The following LYN variants were observed in gnomAD, a reference collection of about 807,000 sequenced individuals.
LYN encodes tyrosine-protein kinase Lyn.
LYN carries 12 observed loss-of-function variants against 65.0 expected under a neutral mutation model. The ratio of observed to expected loss-of-function variants is 0.18; its 90% CI spans 0.12 to 0.30. LYN has a LOEUF of 0.30. Among genes scored for constraint, LYN ranks in the 10% least tolerant of loss-of-function variants. The pLI is 1.00. For synonymous variants in LYN, 222 were observed against 221.2 expected (o/e 1.00, Z -0.03); for missense variants, 380 against 623.2 (o/e 0.61, Z 4.16).
intron 10 of LYN, among the ~76,000 whole-genome samples, chr8:55,977,107 C>T (rs868598204): frequency 6.6e-6 from 1 of 152,084 alleles, no homozygotes; most frequent in South Asian, 2.1e-4. Flanking sequence ...ATCGCTTGAA[C>T]CCAGAAGGCG....
At chr8:55,994,302 A>G (rs1808317568) in intron 10 of LYN, among the ~76,000 whole-genome samples, 3 of 152,212 alleles carry the variant, frequency 2.0e-5, no homozygotes, top group African/African-American at 7.2e-5. Flanking sequence ...TTATTTATTC[A>G]ACTTGGCTAA....
intron 10 of LYN, among the ~76,000 whole-genome samples, chr8:55,986,237 T>A (rs1363373179): frequency 2.0e-5 from 3 of 149,496 alleles, no homozygotes; most frequent in East Asian, 1.9e-4. Context: ...GGAGTAGTCA[T>A]GGCATGGCAT....
At chr8:55,927,440 G>C (rs968162819) in intron 1 of LYN, among the ~76,000 whole-genome samples, 2 of 152,116 alleles carry the variant, frequency 1.3e-5, no homozygotes, top group African/African-American at 4.8e-5. Context: ...TTTAAGCACT[G>C]AATAGTGTTC....
chr8:55,936,435 T>C (rs1806438829), intron 1 of LYN, among the ~76,000 whole-genome samples: 1 of 151,918 alleles, frequency 6.6e-6, no homozygotes, highest in South Asian at 2.1e-4. Context: ...AGGTCAGGAG[T>C]TCGAGACCAG....
At chr8:55,933,757 T>G (rs973034724) in intron 1 of LYN, among the ~76,000 whole-genome samples, 15 of 152,240 alleles carry the variant, frequency 9.9e-5, no homozygotes, top group African/African-American at 3.6e-4. Flanking sequence ...AGTTTCTCTG[T>G]TCTAGATGCC....
intron 1 of LYN, among the ~76,000 whole-genome samples, chr8:55,898,497 C>T (rs1051250649): frequency 1.3e-5 from 2 of 152,168 alleles, no homozygotes; most frequent in African/African-American, 2.4e-5. Flanking sequence ...CCATGTTGCC[C>T]AGGCTGGTCT....
At chr8:55,941,215 A>G (rs576345159) in intron 1 of LYN, among the ~76,000 whole-genome samples, 4 of 152,052 alleles carry the variant, frequency 2.6e-5, no homozygotes, top group Non-Finnish European at 5.9e-5. Context: ...TGGATGTGTC[A>G]TTTGTCTTCA....
intron 10 of LYN, among the ~76,000 whole-genome samples, chr8:55,991,412 C>T (rs1808245308): frequency 6.6e-6 from 1 of 152,210 alleles, no homozygotes; most frequent in African/African-American, 2.4e-5. Context: ...AAGAGGCAGA[C>T]ACTTGGTGAC....
intron 1 of LYN, among the ~76,000 whole-genome samples, chr8:55,916,292 G>A (rs974453740): frequency 6.6e-5 from 10 of 152,136 alleles, no homozygotes; most frequent in South Asian, 2.1e-4. Context: ...TCAATGTTAC[G>A]CTTTTAACAT....
At chr8:55,955,724 G>C (rs1807087671) in intron 8 of LYN, among the ~76,000 whole-genome samples, 1 of 152,056 alleles carries the variant, frequency 6.6e-6, no homozygotes, top group South Asian at 2.1e-4. Flanking sequence ...CATTCTTTCT[G>C]TCTCTATGAA....
At chr8:55,995,074 G>T (rs1252457407) in intron 10 of LYN, among the ~76,000 whole-genome samples, 1 of 152,124 alleles carries the variant, frequency 6.6e-6, no homozygotes, top group East Asian at 1.9e-4. Context: ...CAGAGGCAGG[G>T]CTCCTCTCTC....
intron 1 of LYN, among the ~76,000 whole-genome samples, chr8:55,892,957 C>T (rs1804997933): frequency 6.6e-6 from 1 of 152,200 alleles, no homozygotes; most frequent in African/African-American, 2.4e-5. Flanking sequence ...TGAAAGGCAT[C>T]TGCCATTCTA....
chr8:55,984,994 G>A (rs1278392543), intron 10 of LYN, among the ~76,000 whole-genome samples: 1 of 152,180 alleles, frequency 6.6e-6, no homozygotes, highest in Non-Finnish European at 1.5e-5. Flanking sequence ...CTCACTGTTA[G>A]CAGTCATTAA....
chr8:55,973,182 C>A (rs1380776504), intron 10 of LYN, among the ~76,000 whole-genome samples: 1 of 152,202 alleles, frequency 6.6e-6, no homozygotes, highest in African/African-American at 2.4e-5. Flanking sequence ...CTCCGCATTC[C>A]CCTGTCACCC....
intron 1 of LYN, among the ~76,000 whole-genome samples, chr8:55,906,095 G>C (rs80034178): frequency 6.6e-6 from 1 of 152,318 alleles, no homozygotes; most frequent in African/African-American, 2.4e-5. Context: ...AAGTCAGAGG[G>C]CTGGGATGGT....
intron 1 of LYN, among the ~76,000 whole-genome samples, chr8:55,920,750 C>A (rs2130431736): frequency 6.6e-6 from 1 of 151,916 alleles, no homozygotes; most frequent in South Asian, 2.1e-4. Flanking sequence ...TGGCTCACTG[C>A]AAGCTCCGCC....
chr8:55,905,103 G>A (rs766498334), intron 1 of LYN, among the ~76,000 whole-genome samples: 1 of 152,022 alleles, frequency 6.6e-6, no homozygotes, highest in Non-Finnish European at 1.5e-5. Context: ...GGAATCTTTC[G>A]GCTATTTTAG....
At chr8:55,906,746 G>GGA (rs1554575492) in intron 1 of LYN, among the ~76,000 whole-genome samples, 4 of 150,940 alleles carry the variant, frequency 2.7e-5, no homozygotes, top group African/African-American at 4.9e-5. Flanking sequence ...GAGAGAGAGA[G>GGA]GAGAGAGAGA....
chr8:55,982,307 GT>G (rs917162631), intron 10 of LYN, among the ~76,000 whole-genome samples: 50 of 146,828 alleles, frequency 3.4e-4, no homozygotes, highest in East Asian at 2.4e-3. Context: ...ATTTGGTTTT[GT>G]TTTTTTTTTA....
Sources: allele counts gnomAD v4.1 joint callset (sites outside exome capture counted in the v4.1 genomes callset), GRCh38; gene constraint gnomAD v4.1.1; transcripts MANE v1.5; gene names NCBI Gene and HGNC (gene_info 2026-07-23, HGNC 2026-07-21).